The following LRMDA variants were observed in gnomAD, a reference collection of about 807,000 sequenced individuals.
LRMDA encodes leucine-rich melanocyte differentiation-associated protein.
In LRMDA, 18 loss-of-function variants were observed where a neutral mutation model predicts 29.8. The ratio of observed to expected loss-of-function variants is 0.60; its 90% CI spans 0.42 to 0.90. LRMDA has a LOEUF of 0.90. Ranked by LOEUF, LRMDA falls within the 40% of genes least tolerant of loss-of-function variation. The pLI, the probability that LRMDA is intolerant of heterozygous loss-of-function variation, is 0.00. For synonymous variants in LRMDA, 125 were observed against 109.4 expected (o/e 1.14, Z -0.89); for missense variants, 273 against 273.9 (o/e 1.00, Z 0.02).
intron 5 of LRMDA, among the ~76,000 whole-genome samples, chr10:76,239,999 T>C (rs1318927078): frequency 6.6e-6 from 1 of 152,074 alleles, no homozygotes; most frequent in African/African-American, 2.4e-5. Flanking sequence ...TACAGTTTTA[T>C]TGGTTAATTA....
chr10:75,558,023 G>A (rs1840236989), intron 2 of LRMDA, among the ~76,000 whole-genome samples: 1 of 152,064 alleles, frequency 6.6e-6, no homozygotes, highest in Non-Finnish European at 1.5e-5. Context: ...TCTCTGATGA[G>A]GGAAAGGGTA....
intron 2 of LRMDA, among the ~76,000 whole-genome samples, chr10:75,678,110 G>A (rs984355262): frequency 2.6e-5 from 4 of 152,124 alleles, no homozygotes; most frequent in Non-Finnish European, 5.9e-5. Flanking sequence ...ATACATATAT[G>A]TGTACACAGA....
At chr10:75,496,642 A>G (rs776724062) in intron 2 of LRMDA, among the ~76,000 whole-genome samples, 2 of 152,130 alleles carry the variant, frequency 1.3e-5, no homozygotes, top group African/African-American at 4.8e-5. Context: ...TGGGTATACC[A>G]TGAGAAGGCG....
At chr10:75,631,409 C>A (rs183000199) in intron 2 of LRMDA, among the ~76,000 whole-genome samples, 5 of 151,984 alleles carry the variant, frequency 3.3e-5, no homozygotes, top group South Asian at 2.1e-4. Context: ...CTGCACCCCC[C>A]CCGCCCCGCC....
At chr10:76,024,270 G>A (rs373352090) in intron 2 of LRMDA, among the ~76,000 whole-genome samples, 1 of 152,162 alleles carries the variant, frequency 6.6e-6, no homozygotes, top group Non-Finnish European at 1.5e-5. Flanking sequence ...TTCAGTGCTG[G>A]GAAAAACTCT....
intron 3 of LRMDA, among the ~76,000 whole-genome samples, chr10:76,044,055 C>T (rs1283964678): frequency 1.3e-5 from 2 of 152,176 alleles, no homozygotes; most frequent in Admixed American, 6.5e-5. Context: ...TTCTTGCAGT[C>T]CCACAAAAGA....
At chr10:75,439,754 G>C (rs1326022114) in intron 2 of LRMDA, among the ~76,000 whole-genome samples, 1 of 152,188 alleles carries the variant, frequency 6.6e-6, no homozygotes, top group East Asian at 1.9e-4. Context: ...TAGTACACAG[G>C]GATGAGAGGA....
At chr10:76,533,980 A>G (rs1417294667) in intron 6 of LRMDA, among the ~76,000 whole-genome samples, 2 of 152,184 alleles carry the variant, frequency 1.3e-5, no homozygotes, top group East Asian at 3.9e-4. Context: ...GAAGCTTGGA[A>G]TCTAGTGGGA....
At chr10:76,205,673 G>T (rs1298826555) in intron 5 of LRMDA, among the ~76,000 whole-genome samples, 1 of 152,128 alleles carries the variant, frequency 6.6e-6, no homozygotes, top group Admixed American at 6.6e-5. Flanking sequence ...TCTTTGTGGG[G>T]GTGCGGGGTG....
At chr10:76,169,573 A>G (rs964673801) in intron 5 of LRMDA, among the ~76,000 whole-genome samples, 3 of 152,142 alleles carry the variant, frequency 2.0e-5, no homozygotes, top group African/African-American at 7.2e-5. Context: ...TGTCTTCCTA[A>G]GAATTTTCTT....
In LRMDA at chr10:75,547,209, A is replaced by G. The variant is rs186501554; in HGVS notation, c.131+108715A>G. On this transcript the variant is annotated intron_variant, in intron 2 of 6. Transcript: ENST00000611255. ...ATTCTATTTATTCATCAGTGCACCC[A>G]ACTTCATGTTTCAGGATGGTTCTGT... 5.4e-3 allele frequency among the ~76,000 whole-genome samples: 822 copies of G among 152,334 alleles called. 3 individuals are homozygous for G. Among genetic ancestry groups the G allele is most frequent in the Non-Finnish European group, 9.1e-3 (619 of 68,024 alleles).
chr10:76,384,767 C>G (rs1220959097), intron 6 of LRMDA, among the ~76,000 whole-genome samples: 3 of 152,180 alleles, frequency 2.0e-5, no homozygotes, highest in African/African-American at 7.2e-5. Context: ...ATTTGTATTT[C>G]TTCCACATGT....
chr10:75,456,125 A>C (rs746693926), intron 2 of LRMDA, among the ~76,000 whole-genome samples: 12 of 152,216 alleles, frequency 7.9e-5, no homozygotes, highest in Non-Finnish European at 1.6e-4. Context: ...TCTCCCATCA[A>C]ATTTTCACCC....
chr10:76,413,686 A>G (rs1192341420), intron 6 of LRMDA, among the ~76,000 whole-genome samples: 1 of 152,168 alleles, frequency 6.6e-6, no homozygotes. Flanking sequence ...AAATTTATCT[A>G]TTTTATTTAT....
chr10:75,966,508 C>T (rs1005292941), intron 2 of LRMDA, among the ~76,000 whole-genome samples: 1 of 152,204 alleles, frequency 6.6e-6, no homozygotes, highest in Admixed American at 6.5e-5. Context: ...CTACCCAGTA[C>T]ATTGTTCATT....
intron 5 of LRMDA, among the ~76,000 whole-genome samples, chr10:76,177,973 C>T (rs1850971954): frequency 6.6e-6 from 1 of 152,204 alleles, no homozygotes; most frequent in East Asian, 1.9e-4. Flanking sequence ...CTTTGCTCCC[C>T]CATGCTGCTT....
intron 2 of LRMDA, among the ~76,000 whole-genome samples, chr10:75,971,348 G>A (rs1163438220): frequency 6.6e-6 from 1 of 152,144 alleles, no homozygotes; most frequent in Non-Finnish European, 1.5e-5. Flanking sequence ...TTCTCTTAGC[G>A]GAGGTGTTAA....
chr10:75,601,763 A>G (rs1840890184), intron 2 of LRMDA, among the ~76,000 whole-genome samples: 1 of 152,256 alleles, frequency 6.6e-6, no homozygotes, highest in Non-Finnish European at 1.5e-5. Context: ...TATTATCCCA[A>G]TTATCTCAAC....
At chr10:76,046,939 C>T (rs1368779755) in intron 3 of LRMDA, among the ~76,000 whole-genome samples, 1 of 152,244 alleles carries the variant, frequency 6.6e-6, no homozygotes, top group Non-Finnish European at 1.5e-5. Flanking sequence ...CATTCTTCCT[C>T]AGATGATCTG....
Sources: allele counts gnomAD v4.1 joint callset (sites outside exome capture counted in the v4.1 genomes callset), GRCh38; gene constraint gnomAD v4.1.1; transcripts MANE v1.5; gene names NCBI Gene and HGNC (gene_info 2026-07-23, HGNC 2026-07-21).